The following TP63 variants were observed in gnomAD, a reference collection of about 807,000 sequenced individuals.
TP63 encodes tumor protein 63.
Under a neutral mutation model 82.8 loss-of-function variants are expected in TP63, and 17 were observed. The ratio of observed to expected loss-of-function variants is 0.21; its 90% CI spans 0.14 to 0.31. The LOEUF (loss-of-function observed/expected upper bound fraction) is 0.31, where lower values mean the gene tolerates loss of function less well. TP63 is among the 10% of genes least tolerant of loss of function. The pLI is 1.00. For synonymous variants in TP63, 330 were observed against 321.7 expected, an observed-to-expected ratio of 1.03 and a Z score of -0.28; for missense variants, 648 against 895.3, an observed-to-expected ratio of 0.72 and a Z score of 3.52.
chr3:189,866,779 A>G lies in TP63; in HGVS notation c.864A>G (p.Val288=). ...DPITGRQSVL[V]PYEPPQVGTE... Reference sequence around the variant, plus strand: ...TCACAGGAAGACAGAGTGTGCTGGTACCTTATGAGCCACCCCAGGTAAAAA... The same window carrying G: ...TCACAGGAAGACAGAGTGTGCTGGTGCCTTATGAGCCACCCCAGGTAAAAA... Residue 288 remains valine, a synonymous_variant, in exon 6 of 14, where the codon GTA becomes GTG. Transcript: ENST00000264731. The G allele has an allele frequency of 6.2e-7, 1 of 1,614,076 alleles. No homozygotes were observed. The highest frequency in any genetic ancestry group is 8.5e-7 in the Non-Finnish European group (1 of 1,179,980).
intron 4 of TP63, among the ~76,000 whole-genome samples, chr3:189,843,087 G>T (rs763636201): frequency 6.6e-6 from 1 of 152,094 alleles, no homozygotes; most frequent in Non-Finnish European, 1.5e-5. Context: ...CTCCACCCCC[G>T]CCCCTTCCCA....
chr3:189,846,679 ATT>A, intron 4 of TP63, among the ~76,000 whole-genome samples: 1 of 102,026 alleles, frequency 9.8e-6, no homozygotes, highest in Non-Finnish European at 2.0e-5. Flanking sequence ...TGTTTTCCAC[ATT>A]CTTTTTTTTT....
At chr3:189,620,150 A>G in the TP63 span, among the ~76,000 whole-genome samples, 1 of 152,234 alleles carries the variant, frequency 6.6e-6, no homozygotes, top group Non-Finnish European at 1.5e-5. Context: ...AGGCGGGCAG[A>G]CCACGAGGTC....
intron 3 of TP63, among the ~76,000 whole-genome samples, chr3:189,740,196 A>G (rs1012344356): frequency 6.6e-6 from 1 of 152,216 alleles, no homozygotes; most frequent in Admixed American, 6.5e-5. Flanking sequence ...AAATGAAACT[A>G]TCAAATAATT....
chr3:189,857,127 T>C (rs1393439372), intron 4 of TP63, among the ~76,000 whole-genome samples: 1 of 152,098 alleles, frequency 6.6e-6, no homozygotes, highest in Non-Finnish European at 1.5e-5. Context: ...CAAGACTTAC[T>C]ATAAAGTAGA....
intron 4 of TP63, among the ~76,000 whole-genome samples, chr3:189,827,180 C>G (rs76511768): frequency 0.023 from 3,465 of 152,280 alleles, 103 homozygotes; most frequent in African/African-American, 0.075. Context: ...AGCTCACAGT[C>G]AAGAAGGGCA....
At chr3:189,793,253 T>G (rs1449977258) in intron 3 of TP63, among the ~76,000 whole-genome samples, 1 of 152,102 alleles carries the variant, frequency 6.6e-6, no homozygotes, top group African/African-American at 2.4e-5. Context: ...AATAAATCAC[T>G]TATCCTTTAC....
chr3:189,825,557 TA>T (rs1353610164), intron 4 of TP63, among the ~76,000 whole-genome samples: 3 of 152,162 alleles, frequency 2.0e-5, no homozygotes, highest in African/African-American at 4.8e-5. Context: ...AAAACTTGAT[TA>T]AAAATAAAAT....
intron 1 of TP63, among the ~76,000 whole-genome samples, chr3:189,659,457 T>C (rs1247255691): frequency 2.6e-5 from 4 of 152,062 alleles, no homozygotes; most frequent in African/African-American, 9.7e-5. Flanking sequence ...TAATCCACTA[T>C]AATGGGAACC....
intron 3 of TP63, among the ~76,000 whole-genome samples, chr3:189,758,636 G>A (rs963395132): frequency 1.3e-5 from 2 of 152,128 alleles, no homozygotes; most frequent in Non-Finnish European, 1.5e-5. Flanking sequence ...TTTCACTCCT[G>A]CTCTAGAACT....
At chr3:189,844,802 A>G (rs1714654469) in intron 4 of TP63, among the ~76,000 whole-genome samples, 1 of 152,176 alleles carries the variant, frequency 6.6e-6, no homozygotes, top group Non-Finnish European at 1.5e-5. Flanking sequence ...TTGGATCTTT[A>G]GAATTAATTT....
intron 10 of TP63, among the ~76,000 whole-genome samples, chr3:189,882,470 T>G (rs1720028347): frequency 6.6e-6 from 1 of 151,774 alleles, no homozygotes; most frequent in Non-Finnish European, 1.5e-5. Context: ...TTCCCTTTTT[T>G]TTTTTTTTTT....
chr3:189,682,458 G>A (rs1374656682), intron 1 of TP63, among the ~76,000 whole-genome samples: 11 of 144,188 alleles, frequency 7.6e-5, no homozygotes, highest in Non-Finnish European at 1.7e-4. Context: ...GAAAAAAATA[G>A]GACGATATTT....
At chr3:189,774,841 C>T (rs990296522) in intron 3 of TP63, among the ~76,000 whole-genome samples, 12 of 152,142 alleles carry the variant, frequency 7.9e-5, no homozygotes, top group African/African-American at 2.9e-4. Flanking sequence ...AAGTACTGTA[C>T]AAAATGTTAG....
intron 1 of TP63, among the ~76,000 whole-genome samples, chr3:189,682,548 AAAAAAATATATATATAT>A (rs1214464709): frequency 6.1e-4 from 30 of 48,944 alleles, no homozygotes; most frequent in South Asian, 1.1e-3. Flanking sequence ...AAAAAAAAAA[AAAAAAATATATATATAT>A]ATATATATAT....
chr3:189,798,266 T>C (rs1725928699), intron 3 of TP63, among the ~76,000 whole-genome samples: 1 of 152,142 alleles, frequency 6.6e-6, no homozygotes, highest in Non-Finnish European at 1.5e-5. Context: ...AAGCCTCTTC[T>C]ATCTATATGT....
At chr3:189,686,576 C>A (rs114865755) in intron 1 of TP63, among the ~76,000 whole-genome samples, 7 of 151,326 alleles carry the variant, frequency 4.6e-5, no homozygotes, top group African/African-American at 1.7e-4. Flanking sequence ...TAGAGTCTAC[C>A]CAGTGGAAAA....
intron 4 of TP63, among the ~76,000 whole-genome samples, chr3:189,863,582 T>G (rs1230804481): frequency 6.6e-6 from 1 of 152,140 alleles, no homozygotes; most frequent in Non-Finnish European, 1.5e-5. Context: ...TCAGGCCCGG[T>G]GTTTTCAGGA....
intron 1 of TP63, among the ~76,000 whole-genome samples, chr3:189,666,559 G>A (rs1253349909): frequency 1.3e-5 from 2 of 151,962 alleles, no homozygotes; most frequent in East Asian, 3.9e-4. Context: ...CTAGCAAAAG[G>A]AGAGAAAGAG....
Sources: allele counts gnomAD v4.1 joint callset (sites outside exome capture counted in the v4.1 genomes callset), GRCh38; gene constraint gnomAD v4.1.1; transcripts MANE v1.5; gene names NCBI Gene and HGNC (gene_info 2026-07-23, HGNC 2026-07-21).